BAZ1A: variants seen among roughly 807,000 people sequenced by gnomAD.
BAZ1A encodes the protein bromodomain adjacent to zinc finger domain 1A.
Under a neutral mutation model 185.2 loss-of-function variants are expected in BAZ1A, and 50 were observed. The ratio of observed to expected loss-of-function variants is 0.27; its 90% CI spans 0.22 to 0.34. BAZ1A has a LOEUF of 0.34. Among genes scored for constraint, BAZ1A ranks in the 10% least tolerant of loss-of-function variants. The probability of loss-of-function intolerance (pLI) is 1.00; values close to 1 mark genes in which losing one functional copy is unlikely to be tolerated. For synonymous variants in BAZ1A, 571 were observed against 615.6 expected (o/e 0.93, Z 1.07); for missense variants, 1,356 against 1,839.9 (o/e 0.74, Z 4.81).
chr14:34,792,522 T>C (rs1028002406), intron 12 of BAZ1A, among the ~76,000 whole-genome samples: 5 of 152,124 alleles, frequency 3.3e-5, no homozygotes, highest in Admixed American at 6.6e-5. Flanking sequence ...TCCTAAATCA[T>C]AGGAAAAGTC....
At chr14:34,823,645 G>A (rs2042120234) in intron 4 of BAZ1A, among the ~76,000 whole-genome samples, 1 of 151,790 alleles carries the variant, frequency 6.6e-6, no homozygotes, top group Non-Finnish European at 1.5e-5. Flanking sequence ...TGGGCAACAA[G>A]AGCGAAACTC....
intron 3 of BAZ1A, among the ~76,000 whole-genome samples, chr14:34,842,154 A>C (rs1056642419): frequency 6.6e-6 from 1 of 152,120 alleles, no homozygotes; most frequent in African/African-American, 2.4e-5. Context: ...GATTATATAA[A>C]ATTTGCCTGT....
intron 16 of BAZ1A, among the ~76,000 whole-genome samples, chr14:34,782,749 G>T (rs1403058870): frequency 6.6e-6 from 1 of 152,088 alleles, no homozygotes; most frequent in African/African-American, 2.4e-5. Flanking sequence ...ATTCCTACTT[G>T]TTTTCATAGA....
intron 2 of BAZ1A, among the ~76,000 whole-genome samples, chr14:34,873,042 T>C (rs968120240): frequency 6.6e-6 from 1 of 151,240 alleles, no homozygotes; most frequent in Non-Finnish European, 1.5e-5. Flanking sequence ...TGTGCACTCC[T>C]ACTTAAAAGT....
intron 3 of BAZ1A, among the ~76,000 whole-genome samples, chr14:34,857,007 TTTC>T (rs1033814888): frequency 1.3e-5 from 2 of 151,154 alleles, no homozygotes; most frequent in African/African-American, 4.9e-5. Context: ...CTGCATCTTT[TTTC>T]TTTTTTTTTT....
Position 34,821,975 on chromosome 14 carries a change from A to G in BAZ1A, c.536+4038T>C, listed in dbSNP as rs562135234. Among the ~76,000 whole-genome samples, 5 of 147,402 alleles carry G rather than the reference A, an allele frequency of 3.4e-5. No individual in the cohort carries two copies. In the East Asian group the frequency reaches 8.1e-4, roughly 24 times the overall value. ...CTCCAGCCTGCCCAACAAGAGCAAA[A>G]CCCCATCTCAAAATAAAAATAAAAA... is the stretch of plus-strand genomic sequence containing the variant. On this transcript the variant is annotated intron_variant, in intron 4 of 26. Transcript: ENST00000360310.
At chr14:34,756,551 C>T (rs1192392893) in intron 25 of BAZ1A, among the ~76,000 whole-genome samples, 2 of 143,524 alleles carry the variant, frequency 1.4e-5, no homozygotes, top group African/African-American at 5.2e-5. Flanking sequence ...CTACAACCTC[C>T]GCCTCCTGGG....
intron 4 of BAZ1A, among the ~76,000 whole-genome samples, chr14:34,822,617 A>G (rs1424660474): frequency 6.6e-6 from 1 of 152,168 alleles, no homozygotes; most frequent in African/African-American, 2.4e-5. Context: ...CCTGTCTCAA[A>G]AACAGAAACA....
intron 6 of BAZ1A, among the ~76,000 whole-genome samples, chr14:34,805,961 T>C (rs1353626260): frequency 6.6e-6 from 1 of 151,794 alleles, no homozygotes; most frequent in Non-Finnish European, 1.5e-5. Flanking sequence ...GGCTCACTTA[T>C]TCATGACATT....
chr14:34,830,685 AAG>A (rs965255784), intron 3 of BAZ1A, among the ~76,000 whole-genome samples: 10 of 152,248 alleles, frequency 6.6e-5, no homozygotes, highest in South Asian at 6.2e-4. Flanking sequence ...TCATTAAAAA[AAG>A]AGTTGCAAGA....
At chr14:34,791,047 G>A (rs1880809275) in intron 12 of BAZ1A, among the ~76,000 whole-genome samples, 1 of 152,016 alleles carries the variant, frequency 6.6e-6, no homozygotes, top group Admixed American at 6.5e-5. Flanking sequence ...GCTTGAACCC[G>A]GGAGGCGGAG....
At chr14:34,840,439 A>G (rs1370465466) in intron 3 of BAZ1A, among the ~76,000 whole-genome samples, 1 of 152,136 alleles carries the variant, frequency 6.6e-6, no homozygotes, top group Non-Finnish European at 1.5e-5. Context: ...TTTACAATGA[A>G]ATTATTATAT....
chr14:34,789,990 CAA>C (rs1880735735), intron 12 of BAZ1A, among the ~76,000 whole-genome samples: 1 of 152,066 alleles, frequency 6.6e-6, no homozygotes, highest in Admixed American at 6.6e-5. Context: ...ATATCTACCT[CAA>C]AAGAGTAGTA....
At chr14:34,793,005 C>G in intron 11 of BAZ1A, 84 bp from the exon 12 acceptor site, 1 of 1,237,230 alleles carries the variant, frequency 8.1e-7, no homozygotes, top group Non-Finnish European at 1.1e-6. Flanking sequence ...ATGTAATCAA[C>G]AATAGTATGT....
intron 21 of BAZ1A, chr14:34,768,709 A>T: frequency 2.4e-6 from 1 of 425,238 alleles, no homozygotes; most frequent in Admixed American, 2.8e-5. Context: ...CACTAGATAG[A>T]TCTTCCTCTC....
chr14:34,818,864 G>A (rs2042042993), intron 4 of BAZ1A, among the ~76,000 whole-genome samples: 1 of 152,068 alleles, frequency 6.6e-6, no homozygotes, highest in Admixed American at 6.6e-5. Context: ...ATCTTCGGCC[G>A]GGCGCAGTGG....
chr14:34,804,113 T>C (rs1881723677), intron 6 of BAZ1A, among the ~76,000 whole-genome samples: 2 of 152,212 alleles, frequency 1.3e-5, no homozygotes, highest in Non-Finnish European at 2.9e-5. Context: ...GTTCAAGTGA[T>C]TCTCCTGCCT....
intron 20 of BAZ1A, 98 bp from the exon 21 acceptor site, chr14:34,771,757 A>T: frequency 8.8e-7 from 1 of 1,131,572 alleles, no homozygotes. Context: ...ATACCTTTGT[A>T]AAAAATCATT....
intron 25 of BAZ1A, among the ~76,000 whole-genome samples, chr14:34,755,636 ATC>A (rs144515866): frequency 0.037 from 5,611 of 152,004 alleles, 158 homozygotes; most frequent in Non-Finnish European, 0.058. Context: ...GCTCAAATCA[ATC>A]TCTGTCTACT....
Sources: allele counts gnomAD v4.1 joint callset (sites outside exome capture counted in the v4.1 genomes callset), GRCh38; gene constraint gnomAD v4.1.1; transcripts MANE v1.5; gene names NCBI Gene and HGNC (gene_info 2026-07-23, HGNC 2026-07-21).